TENM4: variants seen among roughly 807,000 people sequenced by gnomAD.
TENM4 encodes the protein teneurin-4.
A neutral mutation model predicts 243.3 loss-of-function variants in TENM4; 82 were observed. The ratio of observed to expected loss-of-function variants is 0.34; its 90% CI spans 0.28 to 0.40. The LOEUF (loss-of-function observed/expected upper bound fraction) is 0.40. Ranked by LOEUF, TENM4 falls within the 10% of genes least tolerant of loss-of-function variation. The pLI, the probability that TENM4 is intolerant of heterozygous loss-of-function variation, is 1.00. For synonymous variants in TENM4, 1,412 were observed against 1,456.3 expected (o/e 0.97, Z 0.69); for missense variants, 3,138 against 3,673.3 (o/e 0.85, Z 3.77).
intron 6 of TENM4, among the ~76,000 whole-genome samples, chr11:79,009,268 AG>A (rs1314482295): frequency 1.3e-5 from 2 of 152,146 alleles, no homozygotes; most frequent in African/African-American, 4.8e-5. Context: ...AGGTTATCTC[AG>A]GTCCCAGCTT....
chr11:79,337,004 A>G (rs1857158760), intron 1 of TENM4, among the ~76,000 whole-genome samples: 1 of 152,366 alleles, frequency 6.6e-6, no homozygotes, highest in East Asian at 1.9e-4. Flanking sequence ...CCCAGGCCCC[A>G]GGGAAATGCA....
At chr11:78,979,703 T>C (rs1418788179) in intron 6 of TENM4, among the ~76,000 whole-genome samples, 1 of 152,072 alleles carries the variant, frequency 6.6e-6, no homozygotes, top group African/African-American at 2.4e-5. Context: ...GTTGAGTAAG[T>C]TGGGAGCAGA....
chr11:79,376,498 G>A (rs1285107733), intron 1 of TENM4, among the ~76,000 whole-genome samples: 1 of 152,214 alleles, frequency 6.6e-6, no homozygotes, highest in Non-Finnish European at 1.5e-5. Context: ...CCTGCTACTG[G>A]AAGACTTCCC....
intron 18 of TENM4, among the ~76,000 whole-genome samples, chr11:78,760,628 T>C (rs1372951251): frequency 6.6e-6 from 1 of 152,214 alleles, no homozygotes; most frequent in African/African-American, 2.4e-5. Context: ...TAGGAACTGA[T>C]AGGCCACACC....
At chr11:79,234,727 T>C (rs1864431570) in intron 2 of TENM4, among the ~76,000 whole-genome samples, 1 of 152,222 alleles carries the variant, frequency 6.6e-6, no homozygotes, top group Non-Finnish European at 1.5e-5. Context: ...ACTGTAATTG[T>C]GCACATAATT....
chr11:79,033,206 G>A (rs944804491), intron 6 of TENM4, among the ~76,000 whole-genome samples: 4 of 152,016 alleles, frequency 2.6e-5, no homozygotes, highest in Non-Finnish European at 4.4e-5. Context: ...TCTAGACTGC[G>A]AGATCCATCC....
intron 6 of TENM4, among the ~76,000 whole-genome samples, chr11:79,023,341 C>T (rs1858983723): frequency 6.6e-6 from 1 of 152,072 alleles, no homozygotes; most frequent in Admixed American, 6.5e-5. Flanking sequence ...GGGAGGATCA[C>T]CTGAGGTCAG....
intron 18 of TENM4, among the ~76,000 whole-genome samples, chr11:78,758,872 A>T (rs986522683): frequency 1.3e-5 from 2 of 152,190 alleles, no homozygotes; most frequent in African/African-American, 4.8e-5. Context: ...ACTTTGGGCA[A>T]GTTACTTAAA....
chr11:79,428,303 C>T (rs528167490), intron 1 of TENM4, among the ~76,000 whole-genome samples: 6 of 152,270 alleles, frequency 3.9e-5, no homozygotes, highest in East Asian at 1.9e-4. Context: ...AAAATCAGAC[C>T]GCTGAGTAGA....
At chr11:79,395,389 C>T (rs1304296136) in intron 1 of TENM4, among the ~76,000 whole-genome samples, 7 of 152,186 alleles carry the variant, frequency 4.6e-5, no homozygotes, top group African/African-American at 1.7e-4. Flanking sequence ...ACACAGACTC[C>T]ATTCCTAACT....
In TENM4 at chr11:79,176,279, G is replaced by T. The variant is rs946149118; in HGVS notation, c.-162-27473C>A. 9.2e-5 allele frequency among the ~76,000 whole-genome samples: 14 copies of T among 152,132 alleles called. No individual in the cohort carries two copies. The East Asian group carries it at 2.7e-3, about 29-fold the overall frequency. On this transcript the variant is annotated intron_variant, in intron 3 of 33. Coordinates refer to ENST00000278550, the MANE Select transcript of TENM4 (RefSeq NM_001098816.3). Reference sequence around the variant, plus strand: ...TTGCATTTCCAAACAGTGAGATGCTGATCCAACAGGGTCCTTGGGCCATCT... The same window carrying T: ...TTGCATTTCCAAACAGTGAGATGCTTATCCAACAGGGTCCTTGGGCCATCT...
intron 6 of TENM4, among the ~76,000 whole-genome samples, chr11:78,941,790 T>G (rs980563447): frequency 1.4e-4 from 21 of 152,350 alleles, no homozygotes; most frequent in Admixed American, 5.9e-4. Flanking sequence ...GAGAGCTGAC[T>G]CTGACACAAC....
intron 1 of TENM4, among the ~76,000 whole-genome samples, chr11:79,305,781 A>G (rs967162593): frequency 6.6e-6 from 1 of 152,196 alleles, no homozygotes; most frequent in African/African-American, 2.4e-5. Flanking sequence ...TGAGGCTAGG[A>G]GGGAAGCTGG....
chr11:79,381,714 G>A (rs186738888), intron 1 of TENM4, among the ~76,000 whole-genome samples: 1 of 151,858 alleles, frequency 6.6e-6, no homozygotes. Flanking sequence ...ACAAAGCTCT[G>A]AGCATTCACT....
intron 6 of TENM4, among the ~76,000 whole-genome samples, chr11:79,058,286 G>A (rs1859991530): frequency 6.6e-6 from 1 of 152,212 alleles, no homozygotes; most frequent in Non-Finnish European, 1.5e-5. Flanking sequence ...GCTCACGCCT[G>A]TAATCCCAGC....
intron 19 of TENM4, among the ~76,000 whole-genome samples, chr11:78,752,440 G>T (rs1485188735): frequency 1.3e-5 from 2 of 152,188 alleles, no homozygotes; most frequent in African/African-American, 4.8e-5. Flanking sequence ...GAGGCTCCCT[G>T]AGGCTGACCC....
At chr11:78,859,563 G>C (rs1591077158) in intron 10 of TENM4, among the ~76,000 whole-genome samples, 1 of 152,332 alleles carries the variant, frequency 6.6e-6, no homozygotes, top group Non-Finnish European at 1.5e-5. Flanking sequence ...GAAATTTCAT[G>C]CACTTCTCAA....
intron 1 of TENM4, among the ~76,000 whole-genome samples, chr11:79,431,980 T>C (rs1016170505): frequency 5.9e-5 from 9 of 152,222 alleles, no homozygotes; most frequent in Non-Finnish European, 1.0e-4. Flanking sequence ...ATAACTGCAC[T>C]GTCGAGTATG....
intron 6 of TENM4, among the ~76,000 whole-genome samples, chr11:79,020,199 GA>G (rs1209344363): frequency 6.6e-6 from 1 of 152,172 alleles, no homozygotes; most frequent in East Asian, 1.9e-4. Context: ...GAAATCAAGA[GA>G]GCCCCCTTGC....
Sources: gnomAD v4.1 joint callset for allele counts (sites outside exome capture counted in the v4.1 genomes callset) on GRCh38, gnomAD v4.1.1 for gene constraint, MANE v1.5 for transcripts, NCBI Gene and HGNC (gene_info 2026-07-23, HGNC 2026-07-21) for gene names.